Variants in ADAMTSL1 observed in about 807,000 individuals in gnomAD.
The protein encoded by ADAMTSL1 is ADAMTS like 1.
In ADAMTSL1, 126 loss-of-function variants were observed where a neutral mutation model predicts 201.8. That is an observed-to-expected ratio of 0.62 (90% confidence interval 0.54 to 0.72). ADAMTSL1 has a LOEUF of 0.72. Ranked by LOEUF, ADAMTSL1 falls within the 30% of genes least tolerant of loss-of-function variation. The pLI is 0.00. For synonymous variants in ADAMTSL1, 1,121 were observed against 903.4 expected (o/e 1.24, Z -4.32); for missense variants, 2,679 against 2,277.8 (o/e 1.18, Z -3.59).
At chr9:18,190,291 A>G (rs1828918243) in intron 2 of ADAMTSL1, among the ~76,000 whole-genome samples, 1 of 152,220 alleles carries the variant, frequency 6.6e-6, no homozygotes, top group South Asian at 2.1e-4. Flanking sequence ...GTGGAATGTT[A>G]TATGAATGAG....
At chr9:17,995,039 A>G (rs1819315304) in intron 1 of ADAMTSL1, among the ~76,000 whole-genome samples, 2 of 152,194 alleles carry the variant, frequency 1.3e-5, no homozygotes, top group Non-Finnish European at 2.9e-5. Flanking sequence ...TCTCACAGTC[A>G]GAACGTGTGG....
At chr9:17,913,721 A>C (rs560568853) in intron 1 of ADAMTSL1, among the ~76,000 whole-genome samples, 1 of 152,220 alleles carries the variant, frequency 6.6e-6, no homozygotes, top group African/African-American at 2.4e-5. Flanking sequence ...CAAAAAACTG[A>C]TGAATCCAGG....
chr9:18,561,421 A>C (rs61231583), intron 3 of ADAMTSL1, among the ~76,000 whole-genome samples: 13,571 of 152,164 alleles, frequency 0.089, 669 homozygotes, highest in Middle Eastern at 0.14. Flanking sequence ...GTTCTTTTGC[A>C]TTTGCTGAGG....
intron 19 of ADAMTSL1, among the ~76,000 whole-genome samples, chr9:18,791,328 T>C (rs1293088782): frequency 6.6e-6 from 1 of 152,172 alleles, no homozygotes; most frequent in Non-Finnish European, 1.5e-5. Context: ...GCATATTGTA[T>C]GTATAATAAC....
upstream of ADAMTSL1, chr9:18,474,105 TGA>T: frequency 1.7e-6 from 1 of 591,174 alleles, no homozygotes; most frequent in Non-Finnish European, 2.9e-6. Context: ...TCAGGAAATG[TGA>T]GAGGGGCTGA....
At chr9:18,010,489 C>A (rs1006119390) in intron 1 of ADAMTSL1, among the ~76,000 whole-genome samples, 1 of 151,944 alleles carries the variant, frequency 6.6e-6, no homozygotes, top group Non-Finnish European at 1.5e-5. Flanking sequence ...GTTTTAAGGA[C>A]CTGTCAGAGT....
At chr9:18,619,812 C>T (rs550071765) in intron 4 of ADAMTSL1, among the ~76,000 whole-genome samples, 91 of 152,202 alleles carry the variant, frequency 6.0e-4, no homozygotes, top group Non-Finnish European at 1.1e-3. Flanking sequence ...TAGATTTGGA[C>T]GCCTGAGAGT....
Position 18,892,426 on chromosome 9 carries a change from T to A in ADAMTSL1, c.4681T>A (p.Cys1561Ser), listed in dbSNP as rs1360030375. ...CTCCTGGTCTGCCTGTACCCGGAGC[T>A]GTGGGGGAGGTGTCCAGACCCGCAG... is the stretch of plus-strand genomic sequence containing the variant. Reference protein sequence around the residue: ...VTSWSACTRSCGGGVQTRRVT... With the variant: ...VTSWSACTRSSGGGVQTRRVT... Residue 1561 changes from cysteine (C) to serine (S), a missense_variant, in exon 26 of 29, where the codon TGT becomes AGT. Coordinates refer to ENST00000380548, the MANE Select transcript of ADAMTSL1 (RefSeq NM_001040272.6). The A allele has an allele frequency of 1.9e-6, 3 of 1,613,642 alleles. No individual in the cohort carries two copies. Among genetic ancestry groups the A allele is most frequent in the Non-Finnish European group, 2.5e-6 (3 of 1,179,814 alleles).
At chr9:18,534,775 C>A (rs1197177289) in intron 3 of ADAMTSL1, among the ~76,000 whole-genome samples, 1 of 152,190 alleles carries the variant, frequency 6.6e-6, no homozygotes, top group Non-Finnish European at 1.5e-5. Flanking sequence ...TGGAAGCTGC[C>A]AAGGCTTGGG....
intron 2 of ADAMTSL1, among the ~76,000 whole-genome samples, chr9:18,184,312 G>A (rs1021919950): frequency 1.3e-5 from 2 of 152,170 alleles, no homozygotes; most frequent in Admixed American, 6.6e-5. Context: ...GCCTGGAAGA[G>A]GAAACTAACT....
chr9:18,317,069 A>C (rs1288188411), intron 2 of ADAMTSL1, among the ~76,000 whole-genome samples: 1 of 152,222 alleles, frequency 6.6e-6, no homozygotes. Flanking sequence ...CAATCTTGTC[A>C]TTTGTGAAAA....
intron 1 of ADAMTSL1, among the ~76,000 whole-genome samples, chr9:17,937,988 C>A (rs1451788380): frequency 6.6e-6 from 1 of 152,074 alleles, no homozygotes; most frequent in Admixed American, 6.6e-5. Context: ...CCAGTGATAT[C>A]CTGATGAGTT....
rs563975372 is a variant in ADAMTSL1 at position 18,481,382 on chromosome 9, TAAAAATACAA to T, written c.63+7091_63+7100del. Among the ~76,000 whole-genome samples, 4 of 152,150 alleles carry T rather than the reference TAAAAATACAA, an allele frequency of 2.6e-5. No individual in the cohort carries two copies. The South Asian group carries it at 6.2e-4, about 24-fold the overall frequency. ...CAACATGGTGAAACCCCATCTCTAC[TAAAAATACAA>T]AAATTAGCTGGGCATGGTGGCAGGC... On this transcript the variant is annotated intron_variant, in intron 1 of 28. Coordinates refer to ENST00000380548, the MANE Select transcript of ADAMTSL1 (RefSeq NM_001040272.6).
chr9:18,076,054 T>G (rs928400199), intron 1 of ADAMTSL1, among the ~76,000 whole-genome samples: 6 of 152,204 alleles, frequency 3.9e-5, no homozygotes, highest in Admixed American at 3.9e-4. Context: ...AGGATATTAG[T>G]TTTTCTCTTT....
intron 1 of ADAMTSL1, among the ~76,000 whole-genome samples, chr9:18,011,314 G>T (rs1820041458): frequency 6.6e-6 from 1 of 151,944 alleles, no homozygotes. Context: ...TACTACCTAA[G>T]GATTTTACCA....
intron 1 of ADAMTSL1, among the ~76,000 whole-genome samples, chr9:18,476,427 C>T (rs574296746): frequency 6.6e-6 from 1 of 151,938 alleles, no homozygotes; most frequent in African/African-American, 2.4e-5. Flanking sequence ...TGGTCTGTAC[C>T]CTTTGTTGCA....
At chr9:17,918,379 T>C (rs988985189) in intron 1 of ADAMTSL1, among the ~76,000 whole-genome samples, 2 of 151,828 alleles carry the variant, frequency 1.3e-5, no homozygotes, top group Non-Finnish European at 3.0e-5. Flanking sequence ...AACCTTTTAT[T>C]TCTTCTTTGA....
At position 18,574,210 on chromosome 9, in the gene ADAMTSL1, G is replaced by T; in HGVS notation, c.418G>T (p.Asp140Tyr). ...LVVELAPKVLDGTRCYTESLD... is the reference protein window; with the variant it reads ...LVVELAPKVLYGTRCYTESLD... ...TGTTGAACTAGCACCTAAGGTCTTAGATGGTACGCGTTGCTATACAGAATC... is the reference window on the plus strand; with the variant it reads ...TGTTGAACTAGCACCTAAGGTCTTATATGGTACGCGTTGCTATACAGAATC... Residue 140 changes from aspartate (D) to tyrosine (Y), a missense_variant, in exon 4 of 29, where the codon GAT (aspartate) becomes TAT (tyrosine). Coordinates refer to ENST00000380548, the MANE Select transcript of ADAMTSL1 (RefSeq NM_001040272.6). The T allele has an allele frequency of 6.2e-7, 1 of 1,614,182 alleles. No homozygotes were observed. The highest frequency in any genetic ancestry group is 8.5e-7 in the Non-Finnish European group (1 of 1,180,016).
At chr9:18,703,591 T>A (rs1300837300) in intron 13 of ADAMTSL1, among the ~76,000 whole-genome samples, 3 of 151,402 alleles carry the variant, frequency 2.0e-5, no homozygotes, top group Non-Finnish European at 2.9e-5. Flanking sequence ...GAGGCTGTTT[T>A]ACATTTGATA....
Sources: gnomAD v4.1 joint callset for allele counts (sites outside exome capture counted in the v4.1 genomes callset) on GRCh38, gnomAD v4.1.1 for gene constraint, MANE v1.5 for transcripts, NCBI Gene and HGNC (gene_info 2026-07-23, HGNC 2026-07-21) for gene names.